Variants in NIPAL2 observed in about 807,000 individuals in gnomAD.
NIPAL2 encodes NIPA-like protein 2.
NIPAL2 carries 43 observed loss-of-function variants against 48.9 expected under a neutral mutation model. The ratio of observed to expected loss-of-function variants is 0.88; its 90% CI spans 0.69 to 1.13. The LOEUF (loss-of-function observed/expected upper bound fraction) is 1.13. Ranked by LOEUF, NIPAL2 falls within the 50% of genes most tolerant of loss-of-function variation. The pLI is 0.00. For synonymous variants in NIPAL2, 167 were observed against 174.6 expected, an observed-to-expected ratio of 0.96 and a Z score of 0.34; for missense variants, 446 against 461.4, an observed-to-expected ratio of 0.97 and a Z score of 0.31.
At chr8:98,288,921 A>G (rs963509455) in intron 1 of NIPAL2, among the ~76,000 whole-genome samples, 1 of 152,212 alleles carries the variant, frequency 6.6e-6, no homozygotes, top group Non-Finnish European at 1.5e-5. Flanking sequence ...CCCCAGAGGA[A>G]TCGCTGGCCT....
chr8:98,250,738 G>T (rs564063926), intron 3 of NIPAL2, among the ~76,000 whole-genome samples: 12 of 152,266 alleles, frequency 7.9e-5, no homozygotes, highest in Non-Finnish European at 1.5e-4. Context: ...GTTTTAAGGT[G>T]GGTGGACCAG....
intron 1 of NIPAL2, among the ~76,000 whole-genome samples, chr8:98,261,807 A>G (rs950005308): frequency 6.7e-6 from 1 of 149,098 alleles, no homozygotes; most frequent in Admixed American, 6.7e-5. Flanking sequence ...GAGAAGAGCA[A>G]CTCCAAGAAA....
chr8:98,205,418 C>T (rs756992171), intron 6 of NIPAL2, among the ~76,000 whole-genome samples, 172 bp from the exon 7 acceptor site: 4 of 151,260 alleles, frequency 2.6e-5, no homozygotes, highest in South Asian at 2.1e-4. Context: ...CCTTGTTGCT[C>T]GAGCCGTGCT....
rs765473789 is a variant in NIPAL2 at position 98,205,212 on chromosome 8, T to C, written c.690A>G (p.Ser230=). The C allele has an allele frequency of 1.9e-6, 3 of 1,613,332 alleles. No homozygotes were observed. In the African/African-American group the frequency reaches 4.0e-5, roughly 22 times the overall value. The change falls in exon 7 of 11, where the codon TCA becomes TCG. Residue 230 remains serine (S), a synonymous_variant. Coordinates refer to ENST00000430223, the MANE Select transcript of NIPAL2 (RefSeq NM_001321635.2). ...CCATCACAGAAAAAGTGATCATGCC[T>C]GAGACGGCCTTTACTGAAATAACAG... ...SLTVISVKAV[S]GMITFSVMDK...
chr8:98,214,513 A>G (rs192360473), intron 5 of NIPAL2, among the ~76,000 whole-genome samples: 72 of 152,116 alleles, frequency 4.7e-4, no homozygotes, highest in African/African-American at 1.5e-3. Context: ...ATTTGTAAGT[A>G]TGAATGTTTA....
chr8:98,198,109 A>G (rs1266814283), intron 8 of NIPAL2, among the ~76,000 whole-genome samples: 1 of 152,248 alleles, frequency 6.6e-6, no homozygotes, highest in African/African-American at 2.4e-5. Flanking sequence ...TCATTGATCC[A>G]TGGGCTGCAG....
rs189537124 is a variant in NIPAL2, at chr8:98,253,750, C to T, written c.204+269G>A. Reference sequence around the variant, plus strand: ...GTGCTATTTATCCATTAGACACCGTCGGCCCCTTACCTAGGGTCTACAATA... The same window carrying T: ...GTGCTATTTATCCATTAGACACCGTTGGCCCCTTACCTAGGGTCTACAATA... On this transcript the variant is annotated intron_variant, in intron 2 of 10. Transcript: ENST00000430223. 5.3e-5 allele frequency among the ~76,000 whole-genome samples: 8 copies of T among 152,268 alleles called. No individual in the cohort carries two copies. In the South Asian group the frequency reaches 8.3e-4, roughly 16 times the overall value.
At chr8:98,261,690 T>A (rs1165567870) in intron 1 of NIPAL2, among the ~76,000 whole-genome samples, 1 of 142,814 alleles carries the variant, frequency 7.0e-6, no homozygotes, top group African/African-American at 2.6e-5. Context: ...TGGAACCAAG[T>A]TGGAAAACAC....
At chr8:98,222,382 G>A in intron 5 of NIPAL2, 97 bp downstream of exon 5, 1 of 1,277,394 alleles carries the variant, frequency 7.8e-7, no homozygotes, top group South Asian at 1.7e-5. Flanking sequence ...TAAGATATTA[G>A]TGCTGGTAAG....
At chr8:98,250,381 G>T (rs1328764167) in intron 3 of NIPAL2, among the ~76,000 whole-genome samples, 6 of 152,132 alleles carry the variant, frequency 3.9e-5, no homozygotes, top group Non-Finnish European at 4.4e-5. Flanking sequence ...AGTTTCTAGA[G>T]TCTTTATAAA....
chr8:98,285,947 A>G (rs541382757), intron 1 of NIPAL2, among the ~76,000 whole-genome samples: 53 of 152,278 alleles, frequency 3.5e-4, no homozygotes, highest in African/African-American at 1.3e-3. Flanking sequence ...GTGTCCCCCA[A>G]AGTTCATGTG....
At chr8:98,197,363 A>G (rs1164869988) in intron 8 of NIPAL2, among the ~76,000 whole-genome samples, 1 of 152,250 alleles carries the variant, frequency 6.6e-6, no homozygotes, top group Non-Finnish European at 1.5e-5. Context: ...CTGAGCTTGC[A>G]GTGAGTCCTA....
In NIPAL2 at chr8:98,212,642, G is replaced by A. The variant is rs981247778; in HGVS notation, c.559-141C>T. On this transcript the variant is annotated intron_variant, in intron 5 of 10. Coordinates refer to ENST00000430223, the MANE Select transcript of NIPAL2 (RefSeq NM_001321635.2). ...TTCCTAGGGATGACACAGGAGAGCA[G>A]TATAAGCACCTCGGCCATCCAGACC... 124 of 545,338 alleles carry A rather than the reference G, an allele frequency of 2.3e-4. 1 individual carries two copies. In the East Asian group the frequency reaches 3.7e-3, roughly 16 times the overall value. 33.8% of individuals were successfully genotyped at this position (545,338 alleles called of 1,614,324 possible). A position where few individuals can be genotyped will look rare whatever the true frequency, so the allele number is the denominator to read the frequency against.
At chr8:98,241,756 T>A (rs1812990174) in intron 3 of NIPAL2, among the ~76,000 whole-genome samples, 1 of 152,248 alleles carries the variant, frequency 6.6e-6, no homozygotes. Flanking sequence ...ACAATGATTA[T>A]GACAGGAAAA....
intron 3 of NIPAL2, among the ~76,000 whole-genome samples, chr8:98,240,127 C>T (rs1390845023): frequency 2.0e-5 from 3 of 152,122 alleles, no homozygotes; most frequent in Non-Finnish European, 4.4e-5. Flanking sequence ...GTAAATTAAA[C>T]AGATTTGTAC....
intron 2 of NIPAL2, among the ~76,000 whole-genome samples, chr8:98,253,333 C>A (rs1813694734): frequency 6.6e-6 from 1 of 152,062 alleles, no homozygotes; most frequent in African/African-American, 2.4e-5. Context: ...CATATAACAT[C>A]CTGGGAGATA....
intron 1 of NIPAL2, among the ~76,000 whole-genome samples, chr8:98,277,907 G>C (rs376490206): frequency 8.3e-4 from 127 of 152,188 alleles, no homozygotes; most frequent in African/African-American, 2.9e-3. Flanking sequence ...TCATGTTTTG[G>C]ATATTATGTT....
intron 7 of NIPAL2, among the ~76,000 whole-genome samples, chr8:98,204,731 G>A (rs1350788506): frequency 1.3e-5 from 2 of 151,922 alleles, no homozygotes; most frequent in Non-Finnish European, 2.9e-5. Flanking sequence ...AAGAAATGAA[G>A]GTGAAGGGTT....
chr8:98,283,836 C>T (rs2130907791), intron 1 of NIPAL2, among the ~76,000 whole-genome samples: 1 of 152,316 alleles, frequency 6.6e-6, no homozygotes, highest in South Asian at 2.1e-4. Flanking sequence ...GTATCAGCCA[C>T]TGGGTGAGTT....
Sources: gnomAD v4.1 joint callset for allele counts (sites outside exome capture counted in the v4.1 genomes callset) on GRCh38, gnomAD v4.1.1 for gene constraint, MANE v1.5 for transcripts, NCBI Gene and HGNC (gene_info 2026-07-23, HGNC 2026-07-21) for gene names.